Variants in ROCK1 observed in about 807,000 individuals in gnomAD.
The protein encoded by ROCK1 is Rho associated coiled-coil containing protein kinase 1, also known as rho-associated protein kinase 1.
Under a neutral mutation model 196.8 loss-of-function variants are expected in ROCK1, and 36 were observed. The observed-to-expected ratio is 0.18, with a 90% confidence interval of 0.14 to 0.24. The LOEUF is 0.24. Ranked by LOEUF, ROCK1 falls within the 10% of genes least tolerant of loss-of-function variation. ROCK1 has a pLI of 1.00. For missense variants in ROCK1, 920 were observed against 1,562.0 expected (o/e 0.59, Z 6.93); for synonymous variants, 443 against 515.9 (o/e 0.86, Z 1.91).
At chr18:21,007,007 T>C (rs1340510888) in intron 14 of ROCK1, among the ~76,000 whole-genome samples, 3 of 152,178 alleles carry the variant, frequency 2.0e-5, no homozygotes, top group Non-Finnish European at 2.9e-5. Context: ...AGATTTCTTC[T>C]TACTGTTGTA....
Position 21,042,100 on chromosome 18 carries a change from T to A in ROCK1, c.956A>T (p.Asp319Val), listed in dbSNP as rs2036112254. The change falls in exon 8 of 33, where the codon GAC becomes GTC. Residue 319 changes from aspartate to valine, a missense_variant. Coordinates refer to ENST00000399799, the MANE Select transcript of ROCK1 (RefSeq NM_005406.3). Reference sequence around the variant, plus strand: ...GCTCAGTTTTAAAATTATTTACCTGTCAGTAAGGAAGGCACAAATAAGGTT... The same window carrying A: ...GCTCAGTTTTAAAATTATTTACCTGACAGTAAGGAAGGCACAAATAAGGTT... ...AKNLICAFLT[D>V]REVRLGRNGV... The A allele has an allele frequency of 6.3e-7, 1 of 1,596,466 alleles. No individual in the cohort carries two copies. Among genetic ancestry groups the A allele is most frequent in the Non-Finnish European group, 8.5e-7 (1 of 1,175,478 alleles).
chr18:21,002,394 C>T (rs1423471065), intron 16 of ROCK1, among the ~76,000 whole-genome samples: 1 of 152,138 alleles, frequency 6.6e-6, no homozygotes, highest in Non-Finnish European at 1.5e-5. Context: ...AAAGGGCTAA[C>T]ATATATTAAA....
intron 11 of ROCK1, among the ~76,000 whole-genome samples, chr18:21,020,574 A>T (rs2035905432): frequency 6.6e-6 from 1 of 152,200 alleles, no homozygotes. Flanking sequence ...ACTGTGGTAA[A>T]TAATAAAAAA....
At chr18:21,042,503 C>A (rs1276689666) in intron 7 of ROCK1, 62 bp downstream of exon 7, 6 of 1,503,424 alleles carry the variant, frequency 4.0e-6, no homozygotes, top group African/African-American at 1.4e-5. Flanking sequence ...TTAGAAAGAG[C>A]CAAGTGGCAA....
chr18:20,973,929 C>T (rs773095640), intron 22 of ROCK1, among the ~76,000 whole-genome samples: 1 of 151,362 alleles, frequency 6.6e-6, no homozygotes, highest in Non-Finnish European at 1.5e-5. Context: ...TACAGGCGCC[C>T]GCCCGTAATT....
intron 9 of ROCK1, among the ~76,000 whole-genome samples, chr18:21,029,319 TAGCTTTAAATA>T (rs2035986989): frequency 6.6e-6 from 1 of 152,148 alleles, no homozygotes; most frequent in African/African-American, 2.4e-5. Flanking sequence ...AAAAATTGTT[TAGCTTTAAATA>T]TAGTATTTTT....
chr18:20,977,741 T>C (rs1269205541), intron 22 of ROCK1, among the ~76,000 whole-genome samples: 2 of 151,900 alleles, frequency 1.3e-5, no homozygotes, highest in East Asian at 3.9e-4. Flanking sequence ...TTAATCACTT[T>C]CTCTTTCTGT....
intron 19 of ROCK1, among the ~76,000 whole-genome samples, chr18:20,986,301 C>T (rs1320072001): frequency 6.6e-6 from 1 of 152,100 alleles, no homozygotes; most frequent in Non-Finnish European, 1.5e-5. Flanking sequence ...TCTTCTTATC[C>T]AGCCGGTACT....
intron 22 of ROCK1, among the ~76,000 whole-genome samples, chr18:20,978,855 T>C (rs886927670): frequency 3.3e-5 from 5 of 152,248 alleles, no homozygotes; most frequent in Non-Finnish European, 7.3e-5. Flanking sequence ...TGATGATGGT[T>C]ATAATGACAT....
intron 12 of ROCK1, among the ~76,000 whole-genome samples, chr18:21,017,676 T>G (rs1258672716): frequency 1.3e-5 from 2 of 151,854 alleles, no homozygotes; most frequent in Non-Finnish European, 2.9e-5. Flanking sequence ...GAATTTGATT[T>G]AAAGAAATGC....
At chr18:21,008,268 T>C in intron 13 of ROCK1, 74 bp from the exon 14 acceptor site, 1 of 1,132,360 alleles carries the variant, frequency 8.8e-7, no homozygotes, top group Non-Finnish European at 1.2e-6. Flanking sequence ...ATTTTGTTCT[T>C]AAAAACAAAA....
chr18:21,080,877 G>T (rs568678880), intron 1 of ROCK1, among the ~76,000 whole-genome samples: 1 of 152,176 alleles, frequency 6.6e-6, no homozygotes, highest in African/African-American at 2.4e-5. Flanking sequence ...AGCAAACATT[G>T]AAAGAATTTA....
intron 31 of ROCK1, among the ~76,000 whole-genome samples, chr18:20,954,550 T>C: frequency 6.6e-6 from 1 of 152,260 alleles, no homozygotes; most frequent in Non-Finnish European, 1.5e-5. Context: ...CACTCCAGCC[T>C]GGGCGAGACA....
At position 20,961,818 on chromosome 18, in the gene ROCK1, C is replaced by CTT. The variant is rs11334095; in HGVS notation, c.3353-1614_3353-1613dup. 2.7e-3 allele frequency among the ~76,000 whole-genome samples: 322 copies of CTT among 117,190 alleles called. 3 individuals carry two copies. Among genetic ancestry groups the CTT allele is most frequent in the Middle Eastern group, 4.8e-3 (1 of 208 alleles). The allele number at this position is 117,190 out of a possible 152,430, so 76.9% of individuals were successfully genotyped here. A position where few individuals can be genotyped will look rare whatever the true frequency, so the allele number is the denominator to read the frequency against. On this transcript the variant is annotated intron_variant, in intron 27 of 32. Transcript: ENST00000399799. ...TCTTCTCCCAACATTTTTCTTTTTCCTTTTTTTTTTTTTTTTTTTTTGACA... is the reference window on the plus strand; with the variant it reads ...TCTTCTCCCAACATTTTTCTTTTTCCTTTTTTTTTTTTTTTTTTTTTTTGACA...
intron 1 of ROCK1, among the ~76,000 whole-genome samples, chr18:21,102,520 C>A (rs1471947103): frequency 6.6e-6 from 1 of 152,122 alleles, no homozygotes; most frequent in Non-Finnish European, 1.5e-5. Flanking sequence ...AAACATTTGT[C>A]AAATGAATGA....
intron 18 of ROCK1, 35 bp downstream of exon 18, chr18:20,991,141 G>T: frequency 1.3e-6 from 2 of 1,549,142 alleles, no homozygotes; most frequent in Non-Finnish European, 1.7e-6. Context: ...ACTATTTAAA[G>T]TCAATTTTGT....
intron 4 of ROCK1, among the ~76,000 whole-genome samples, chr18:21,045,751 A>C (rs568634385): frequency 6.6e-6 from 1 of 152,220 alleles, no homozygotes. Context: ...TTTAAACTGT[A>C]ATATTTTCAG....
At chr18:21,089,106 C>T (rs1017418443) in intron 1 of ROCK1, among the ~76,000 whole-genome samples, 4 of 151,810 alleles carry the variant, frequency 2.6e-5, no homozygotes, top group Admixed American at 6.6e-5. Context: ...AGTGCAGCGG[C>T]GCAATCTCAG....
chr18:21,042,368 T>C lies in ROCK1; in HGVS notation c.821-133A>G, dbSNP rs969630632. 2.2e-5 allele frequency: 22 copies of C among 980,780 alleles called. No individual in the cohort carries two copies. The African/African-American group carries it at 3.1e-4, about 14-fold the overall frequency. The allele number at this position is 980,780 out of a possible 1,614,324, so 60.8% of individuals were successfully genotyped here. ...TTAAACTAAAAACATACACCTAATATATAAAAGAACACATCACAAAGTTGC... is the reference window on the plus strand; with the variant it reads ...TTAAACTAAAAACATACACCTAATACATAAAAGAACACATCACAAAGTTGC... On this transcript the variant is annotated intron_variant, in intron 7 of 32. Transcript: ENST00000399799.
Sources: allele counts gnomAD v4.1 joint callset (sites outside exome capture counted in the v4.1 genomes callset), GRCh38; gene constraint gnomAD v4.1.1; transcripts MANE v1.5; gene names NCBI Gene and HGNC (gene_info 2026-07-23, HGNC 2026-07-21).